The following DENND4B variants were observed in gnomAD, a reference collection of about 807,000 sequenced individuals.
DENND4B encodes DENN domain containing 4B.
Under a neutral mutation model 161.0 loss-of-function variants are expected in DENND4B, and 67 were observed. That is an observed-to-expected ratio of 0.42 (90% CI 0.34 to 0.51). The LOEUF is 0.51. Ranked by LOEUF, DENND4B falls within the 20% of genes least tolerant of loss-of-function variation. DENND4B has a pLI of 0.08. For synonymous variants in DENND4B, 753 were observed against 813.8 expected (o/e 0.93, Z 1.27); for missense variants, 1,481 against 1,968.0 (o/e 0.75, Z 4.68).
At chr1:153,931,390 A>T (rs1678914975) in intron 24 of DENND4B, among the ~76,000 whole-genome samples, 1 of 152,084 alleles carries the variant, frequency 6.6e-6, no homozygotes, top group Non-Finnish European at 1.5e-5. Context: ...CCAGTGAGAT[A>T]GGTGCTTATG....
Position 153,946,116 on chromosome 1 carries a change from C to T in DENND4B, c.-24+185G>A, listed in dbSNP as rs896826985. On this transcript the variant is annotated intron_variant, in intron 1 of 27. Transcript: ENST00000361217. The surrounding 1 kb of genome is among the most constrained non-coding windows in gnomAD (Gnocchi z 6.3). The stretch of plus-strand genomic sequence containing the variant: ...GGGAGCAGAAGGGGGTGCAGGAGGC[C>T]GGGCACGGCGAGCTAATTGCGGGAG... Among the ~76,000 whole-genome samples the T allele has an allele frequency of 2.0e-5, 3 of 152,158 alleles. No homozygotes were observed. Among genetic ancestry groups the T allele is most frequent in the African/African-American group, 7.2e-5 (3 of 41,440 alleles).
intron 13 of DENND4B, 141 bp downstream of exon 13, chr1:153,938,759 A>T: frequency 2.3e-6 from 1 of 437,064 alleles, no homozygotes; most frequent in Non-Finnish European, 3.6e-6. Flanking sequence ...TAAAATAAAT[A>T]AATAAATAAA....
rs1185668295 is a variant in DENND4B, at chr1:153,939,703, C to T, written c.1705G>A (p.Ala569Thr). ...AGACAGGCCATGAAGCGGAGGAAGG[C>T]TCCTTGGACTTCGCGCTCCAGCCGG... Reference protein sequence around the residue: ...RARLEREVQGAFLRFMACLLK... With the variant: ...RARLEREVQGTFLRFMACLLK... Residue 569 changes from alanine (A) to threonine (T), a missense_variant, in exon 12 of 28, where the codon GCC becomes ACC. By Grantham distance (58) the Ala-to-Thr change is moderately conservative. This residue lies in a region of DENND4B where 806 missense variants were observed against 1,134.4 expected (regional missense o/e 0.71). Coordinates refer to ENST00000361217, the MANE Select transcript of DENND4B (RefSeq NM_014856.3). 36 of 1,613,964 alleles carry T rather than the reference C, an allele frequency of 2.2e-5. No individual in the cohort carries two copies. Among genetic ancestry groups the T allele is most frequent in the Non-Finnish European group, 3.1e-5 (36 of 1,179,880 alleles).
rs1679053273 is a variant in DENND4B at position 153,932,911 on chromosome 1, G to A, written c.3573C>T (p.Ala1191=). Residue 1191 remains alanine, a synonymous_variant, in exon 22 of 28, where the codon GCC becomes GCT. Coordinates refer to ENST00000361217, the MANE Select transcript of DENND4B (RefSeq NM_014856.3). This position sits in a 1 kb window ranked among gnomAD's most constrained non-coding sequence, Gnocchi z 5.8. ...CACTGAGCAGGGGCACAAAGGGGCAGGCGCAGAAGGGGCAGGTTGTGTTGA... is the reference window on the plus strand; with the variant it reads ...CACTGAGCAGGGGCACAAAGGGGCAAGCGCAGAAGGGGCAGGTTGTGTTGA... The part of the protein sequence containing the change: ...SNLNTTCPFC[A]CPFVPLLSVQ... 6.2e-7 allele frequency: 1 copy of A among 1,614,062 alleles called. No homozygotes were observed. Among genetic ancestry groups the A allele is most frequent in the East Asian group, 2.2e-5 (1 of 44,886 alleles).
rs754098427 is a variant in DENND4B at position 153,936,651 on chromosome 1, A to G, written c.2330T>C (p.Leu777Pro). Residue 777 changes from leucine to proline, a missense_variant, in exon 16 of 28, where the codon CTG becomes CCG. Physicochemically the swap from Leu to Pro is moderately conservative, Grantham distance 98 (BLOSUM62 -3). Around this residue, in one of 3 missense-constraint regions of DENND4B, gnomAD observed 806 missense variants for 1,134.4 expected, o/e 0.71. Coordinates refer to ENST00000361217, the MANE Select transcript of DENND4B (RefSeq NM_014856.3). The surrounding 1 kb of genome is among the most constrained non-coding windows in gnomAD (Gnocchi z 4.1). ...CGACCGCACATAGGCAGGCAGACAC[A>G]GGAACCACAGCCCATAGCAGTGCCC... is the stretch of plus-strand genomic sequence containing the variant. ...LLGHCYGLWF[L>P]CLPAYVRSAP... is the part of the protein sequence containing the mutation. The G allele has an allele frequency of 6.2e-7, 1 of 1,613,614 alleles. No homozygotes were observed. The highest frequency in any genetic ancestry group is 8.5e-7 in the Non-Finnish European group (1 of 1,179,706).
rs1192135821 is a variant in DENND4B at position 153,940,496 on chromosome 1, G to C, written c.1437C>G (p.Tyr479Ter). The C allele has an allele frequency of 6.2e-7, 1 of 1,613,306 alleles. No individual in the cohort carries two copies. Residue 479 changes from tyrosine to a stop codon, truncating the protein, a stop_gained, in exon 10 of 28, where the codon TAC becomes TAG. Transcript: ENST00000361217. LOFTEE classifies it high-confidence loss of function. This position sits in a 1 kb window ranked among gnomAD's most constrained non-coding sequence, Gnocchi z 5.6. ...CAGCAGGCGGGTCATGCAGATCAAA[G>C]TAGCTGGAGTGGATACCCACAATGA... is the stretch of plus-strand genomic sequence containing the variant. ...VPFIVGIHSS[Y>*]FDLHDPPADV...
At position 153,937,924 on chromosome 1, in the gene DENND4B, G is replaced by A. The variant is rs1407355419; in HGVS notation, c.1966-61C>T. 31 of 1,604,024 alleles carry A rather than the reference G, an allele frequency of 1.9e-5. No individual in the cohort carries two copies. The highest frequency in any genetic ancestry group is 3.4e-5 in the Admixed American group (2 of 59,074). ...GGTGGGCATGGAGCAGAGCCAGGGT[G>A]TCTAGACGATGGCATCTCCCAGGAA... On this transcript the variant is annotated intron_variant, in intron 13 of 27. Transcript: ENST00000361217. The surrounding 1 kb of genome is among the most constrained non-coding windows in gnomAD (Gnocchi z 4.7).
In DENND4B at chr1:153,936,224, ACTCT is replaced by A; in HGVS notation, c.2440-40_2440-37del. The A allele has an allele frequency of 1.3e-6, 2 of 1,579,558 alleles. No individual in the cohort carries two copies. The highest frequency in any genetic ancestry group is 1.7e-6 in the Non-Finnish European group (2 of 1,161,708). On this transcript the variant is annotated intron_variant, in intron 16 of 27. Transcript: ENST00000361217. This position sits in a 1 kb window ranked among gnomAD's most constrained non-coding sequence, Gnocchi z 4.1. ...AGAGGCACAGGACAATGGGAGACTC[ACTCT>A]CAACCAAAACCAAAGTCTCAGCAAG...
intron 13 of DENND4B, among the ~76,000 whole-genome samples, chr1:153,938,503 C>T (rs1315089594): frequency 6.6e-6 from 1 of 150,620 alleles, no homozygotes; most frequent in Non-Finnish European, 1.5e-5. Context: ...GAGATCAAGA[C>T]CATCCTGGCT....
At position 153,940,256 on chromosome 1, in the gene DENND4B, C is replaced by G. The variant is rs184372486; in HGVS notation, c.1503G>C (p.Gln501His). Residue 501 changes from glutamine (Q) to histidine (H), a missense_variant and splice_region_variant, in exon 11 of 28, where the codon CAG becomes CAC. Gln to His is a conservative substitution (Grantham distance 24). Around this residue, in one of 3 missense-constraint regions of DENND4B, gnomAD observed 806 missense variants for 1,134.4 expected, o/e 0.71. Coordinates refer to ENST00000361217, the MANE Select transcript of DENND4B (RefSeq NM_014856.3). The surrounding 1 kb of genome is among the most constrained non-coding windows in gnomAD (Gnocchi z 5.6). ...GGGAGAGGAGCTTCTTTTCCTCAGT[C>G]CTGTGAGAAAAGCATAAGGGGAAAG... The part of the protein sequence containing the change: ...CVDLDTNTLF[Q>H]TEEKKLLSPR... 6.3e-7 allele frequency: 1 copy of G among 1,593,698 alleles called. No individual in the cohort carries two copies. The highest frequency in any genetic ancestry group is 1.1e-5 in the South Asian group (1 of 87,926).
chr1:153,942,585 G>A lies in DENND4B; in HGVS notation c.611C>T (p.Ala204Val), dbSNP rs1444515645. 3 of 1,598,642 alleles carry A rather than the reference G, an allele frequency of 1.9e-6. No individual in the cohort carries two copies. Among genetic ancestry groups the A allele is most frequent in the Non-Finnish European group, 2.6e-6 (3 of 1,172,444 alleles). The change falls in exon 4 of 28, where the codon GCG becomes GTG. Residue 204 changes from alanine (A) to valine (V), a missense_variant. Physicochemically the swap from Ala to Val is moderately conservative, Grantham distance 64 (BLOSUM62 0). This residue lies in a region of DENND4B where 806 missense variants were observed against 1,134.4 expected (regional missense o/e 0.71). Transcript: ENST00000361217. The surrounding 1 kb of genome is among the most constrained non-coding windows in gnomAD (Gnocchi z 6.9). The stretch of plus-strand genomic sequence containing the variant: ...CTCGTACACCAGCGTGTTGGCCTTC[G>A]CCAGGCCCACCTTATAGCACAGGTA... ...AVYLCYKVGLAKANTLVYEAE... is the reference protein window; with the variant it reads ...AVYLCYKVGLVKANTLVYEAE...
rs1678823057 is a variant in DENND4B, at chr1:153,930,232, T to A, written c.*65A>T. 1 of 1,550,870 alleles carries A rather than the reference T, an allele frequency of 6.4e-7. No homozygotes were observed. The highest frequency in any genetic ancestry group is 1.9e-5 in the Admixed American group (1 of 53,000). On this transcript the variant is annotated 3_prime_UTR_variant, in exon 28 of 28. Coordinates refer to ENST00000361217, the MANE Select transcript of DENND4B (RefSeq NM_014856.3). The surrounding 1 kb of genome is among the most constrained non-coding windows in gnomAD (Gnocchi z 4.7). ...CTCCATGAAGGCAACAGGGAAGCAG[T>A]TTAACTCTAGAATCCCTTCTTCCTC...
chr1:153,944,625 A>T lies in DENND4B; in HGVS notation c.-23-228T>A, dbSNP rs183001198. 6.6e-6 allele frequency among the ~76,000 whole-genome samples: 1 copy of T among 152,192 alleles called. No homozygotes were observed. The highest frequency in any genetic ancestry group is 1.5e-5 in the Non-Finnish European group (1 of 68,030). On this transcript the variant is annotated intron_variant, in intron 1 of 27. Transcript: ENST00000361217. The surrounding 1 kb of genome is among the most constrained non-coding windows in gnomAD (Gnocchi z 4.8). ...TCCTGGCACTCCCCTCAAAGAACCT[A>T]AACTCCACCACACACAGCTAACCTG...
chr1:153,936,190 T>A lies in DENND4B; in HGVS notation c.2440-2A>T. 6.2e-7 allele frequency: 1 copy of A among 1,603,142 alleles called. No individual in the cohort carries two copies. Among genetic ancestry groups the A allele is most frequent in the Admixed American group, 1.7e-5 (1 of 58,342 alleles). ...CTGCATCAGTACCCGGTAACACACC[T>A]GGGCCAGGAGAGGCACAGGACAATG... On this transcript the variant is annotated splice_acceptor_variant, in intron 16 of 27. Transcript: ENST00000361217. LOFTEE classifies it high-confidence loss of function. The surrounding 1 kb of genome is among the most constrained non-coding windows in gnomAD (Gnocchi z 4.1).
Position 153,929,594 on chromosome 1 carries a change from G to A in DENND4B, c.*703C>T, listed in dbSNP as rs973712142. ...CACAGGTCAGGACCTGGGTGGGTGAGGCATTCCCCAAGGCGGGGCAGGCAA... is the reference window on the plus strand; with the variant it reads ...CACAGGTCAGGACCTGGGTGGGTGAAGCATTCCCCAAGGCGGGGCAGGCAA... On this transcript the variant is annotated 3_prime_UTR_variant, in exon 28 of 28. Coordinates refer to ENST00000361217, the MANE Select transcript of DENND4B (RefSeq NM_014856.3). 5 of 152,172 alleles carry A rather than the reference G, an allele frequency of 3.3e-5. No homozygotes were observed. The highest frequency in any genetic ancestry group is 5.9e-5 in the Non-Finnish European group (4 of 68,070). The allele number at this position is 152,172 out of a possible 1,614,324, so 9.4% of individuals were successfully genotyped here. A position where few individuals can be genotyped will look rare whatever the true frequency, so the allele number is the denominator to read the frequency against.
In DENND4B at chr1:153,934,331, C is replaced by A. The variant is rs748843444; in HGVS notation, c.2774-29G>T. On this transcript the variant is annotated intron_variant, in intron 18 of 27. Coordinates refer to ENST00000361217, the MANE Select transcript of DENND4B (RefSeq NM_014856.3). This position sits in a 1 kb window ranked among gnomAD's most constrained non-coding sequence, Gnocchi z 5.3. ...TAAAAGACGAGAAGGGGTTTAGAGG[C>A]GGCCAGCTAGGAACCCAGTCCCCTG... is the stretch of plus-strand genomic sequence containing the variant. 1.9e-6 allele frequency: 3 copies of A among 1,550,036 alleles called. No individual in the cohort carries two copies. Among genetic ancestry groups the A allele is most frequent in the South Asian group, 2.4e-5 (2 of 82,136 alleles).
Position 153,933,248 on chromosome 1 carries a change from G to A in DENND4B, c.3402C>T (p.Ser1134=). The change falls in exon 21 of 28, where the codon TCC becomes TCT. Residue 1134 remains serine (S), a synonymous_variant. Transcript: ENST00000361217. This position sits in a 1 kb window ranked among gnomAD's most constrained non-coding sequence, Gnocchi z 5.7. ...SSLSNLSLRR[S]SERLSDTPGS... ...CAGGGGTGTCACTGAGGCGCTCTGA[G>A]GAACGGCGAAGACTCAGGTTGCTGA... 1 of 1,613,160 alleles carries A rather than the reference G, an allele frequency of 6.2e-7. No individual in the cohort carries two copies. Among genetic ancestry groups the A allele is most frequent in the Non-Finnish European group, 8.5e-7 (1 of 1,179,568 alleles).
In DENND4B at chr1:153,934,397, G is replaced by A; in HGVS notation, c.2774-95C>T. On this transcript the variant is annotated intron_variant, in intron 18 of 27. Coordinates refer to ENST00000361217, the MANE Select transcript of DENND4B (RefSeq NM_014856.3). This position sits in a 1 kb window ranked among gnomAD's most constrained non-coding sequence, Gnocchi z 5.3. ...CCTTAGATGGACCAGGGTTTGCAGG[G>A]TTCCTCCCAGGCAAAACTTTATCCG... The A allele has an allele frequency of 6.9e-7, 1 of 1,443,556 alleles. No individual in the cohort carries two copies. Among genetic ancestry groups the A allele is most frequent in the Non-Finnish European group, 9.3e-7 (1 of 1,077,874 alleles). 89.4% of individuals were successfully genotyped at this position (1,443,556 alleles called of 1,614,324 possible).
chr1:153,934,802 CCTGCTGCTGCTGCTGCTGCTG>C lies in DENND4B; in HGVS notation c.2710_2730del (p.Gln904_Gln910del), dbSNP rs3835302. On this transcript the variant is annotated inframe_deletion, in exon 18 of 28. Transcript: ENST00000361217. The surrounding 1 kb of genome is among the most constrained non-coding windows in gnomAD (Gnocchi z 5.3). ...GCCTCTTGATGTGCTGACACCTGCT[CCTGCTGCTGCTGCTGCTGCTG>C]CTGCTGTTGCTGCTGCTGCTGCTGT... 8 of 1,590,562 alleles carry C rather than the reference CCTGCTGCTGCTGCTGCTGCTG, an allele frequency of 5.0e-6. No homozygotes were observed. The African/African-American group carries it at 1.1e-4, about 21-fold the overall frequency.
Sources: gnomAD v4.1 joint callset for allele counts (sites outside exome capture counted in the v4.1 genomes callset) on GRCh38, gnomAD v4.1.1 for gene constraint, gnomAD v4.1.1 regional missense constraint, Gnocchi (gnomAD v3.1) non-coding constraint, MANE v1.5 for transcripts, NCBI Gene and HGNC (gene_info 2026-07-23, HGNC 2026-07-21) for gene names.